Variants in CSPP1 observed in about 807,000 individuals in gnomAD.
CSPP1 encodes the protein centrosome and spindle pole-associated protein 1.
In CSPP1, 126 loss-of-function variants were observed where a neutral mutation model predicts 164.4. The ratio of observed to expected loss-of-function variants is 0.77; its 90% CI spans 0.66 to 0.89. CSPP1 has a LOEUF of 0.89. Ranked by LOEUF, CSPP1 falls within the 40% of genes least tolerant of loss-of-function variation. CSPP1 has a pLI of 0.00. For missense variants in CSPP1, 1,395 were observed against 1,449.8 expected (o/e 0.96, Z 0.61); for synonymous variants, 472 against 476.7 (o/e 0.99, Z 0.13).
chr8:67,152,556 C>A (rs1470119952), intron 18 of CSPP1, among the ~76,000 whole-genome samples: 1 of 152,158 alleles, frequency 6.6e-6, no homozygotes, highest in Non-Finnish European at 1.5e-5. Flanking sequence ...TTATTCATTT[C>A]TAAAAGGACT....
chr8:67,097,373 G>T (rs1314347474), intron 7 of CSPP1, among the ~76,000 whole-genome samples: 1 of 151,956 alleles, frequency 6.6e-6, no homozygotes, highest in African/African-American at 2.4e-5. Flanking sequence ...CCTTGATTTA[G>T]GTAATTTGAA....
intron 2 of CSPP1, 53 bp from the exon 3 acceptor site, chr8:67,076,429 A>C: frequency 9.8e-7 from 1 of 1,024,594 alleles, no homozygotes; most frequent in Non-Finnish European, 1.4e-6. Context: ...TGAGTTGTAT[A>C]TTTCATGGTT....
At chr8:67,124,404 C>T (rs901644720) in intron 15 of CSPP1, among the ~76,000 whole-genome samples, 1 of 152,180 alleles carries the variant, frequency 6.6e-6, no homozygotes, top group Non-Finnish European at 1.5e-5. Flanking sequence ...TTTTCCTCTA[C>T]TTGATGCTAT....
Position 67,103,092 on chromosome 8 carries a change from A to T in CSPP1, c.979A>T (p.Ile327Leu). Residue 327 changes from isoleucine (I) to leucine (L), a missense_variant, in exon 8 of 31, where the codon ATA (isoleucine) becomes TTA (leucine). By Grantham distance (5) the Ile-to-Leu change is conservative. Coordinates refer to ENST00000678616, the MANE Select transcript of CSPP1 (RefSeq NM_001382391.1). The part of the protein sequence containing the change: ...MPPMEHDGDV[I>L]EQSNIRISSA... ...TCCTATGGAACATGATGGGGATGTT[A>T]TAGAACAGTCAAACATAAGAATTTC... 1.9e-6 allele frequency: 3 copies of T among 1,611,626 alleles called. No homozygotes were observed. Among genetic ancestry groups the T allele is most frequent in the Non-Finnish European group, 2.5e-6 (3 of 1,177,862 alleles).
At chr8:67,075,043 T>C (rs1286493550) in intron 2 of CSPP1, 1 of 153,214 alleles carries the variant, frequency 6.5e-6, no homozygotes, top group African/African-American at 2.4e-5. Flanking sequence ...CCTCCCAAAA[T>C]GCTGAGATTA....
chr8:67,093,782 G>T, intron 6 of CSPP1, 141 bp downstream of exon 6: 1 of 464,548 alleles, frequency 2.2e-6, no homozygotes, highest in South Asian at 5.8e-5. Context: ...ACCAAACACA[G>T]GACATTTAAA....
intron 25 of CSPP1, chr8:67,172,804 G>A (rs891988729): frequency 1.5e-5 from 5 of 336,052 alleles, no homozygotes; most frequent in South Asian, 8.0e-5. Context: ...GGATGAGATC[G>A]CATAGACTAG....
At chr8:67,136,786 A>T (rs1186903357) in intron 16 of CSPP1, among the ~76,000 whole-genome samples, 1 of 151,512 alleles carries the variant, frequency 6.6e-6, no homozygotes, top group African/African-American at 2.4e-5. Context: ...CCTTGAAAGG[A>T]TAGATGAAAA....
chr8:67,187,304 C>T lies in CSPP1; in HGVS notation c.3221-3346C>T, dbSNP rs543666859. On this transcript the variant is annotated intron_variant, in intron 28 of 30. Coordinates refer to ENST00000678616, the MANE Select transcript of CSPP1 (RefSeq NM_001382391.1). Reference sequence around the variant, plus strand: ...AGAGTTGGAGGACTCTCACAGCTGACTTCAAGAGTTATGATAAAGTTATAA... The same window carrying T: ...AGAGTTGGAGGACTCTCACAGCTGATTTCAAGAGTTATGATAAAGTTATAA... Among the ~76,000 whole-genome samples, 22 of 152,272 alleles carry T rather than the reference C, an allele frequency of 1.4e-4. No individual in the cohort carries two copies. In the South Asian group the frequency reaches 3.1e-3, roughly 22 times the overall value.
chr8:67,108,005 TGGGTGGCTCAGAA>T (rs1815976201), intron 9 of CSPP1, among the ~76,000 whole-genome samples: 5 of 148,222 alleles, frequency 3.4e-5, no homozygotes, highest in African/African-American at 1.3e-4. Context: ...TTTTTTTGTT[TGGGTGGCTCAGAA>T]TATAGTCTGT....
chr8:67,139,437 A>T (rs1823032551), intron 17 of CSPP1, among the ~76,000 whole-genome samples: 1 of 152,158 alleles, frequency 6.6e-6, no homozygotes, highest in South Asian at 2.1e-4. Flanking sequence ...CAGTGTGGCG[A>T]TTCCTCAGGG....
intron 1 of CSPP1, among the ~76,000 whole-genome samples, chr8:67,067,514 A>G (rs1010803545): frequency 1.2e-4 from 18 of 151,868 alleles, no homozygotes; most frequent in African/African-American, 4.4e-4. Context: ...CCTAGGCTGG[A>G]GTGCAGTGGC....
At chr8:67,068,286 G>A (rs1184596564) in intron 1 of CSPP1, among the ~76,000 whole-genome samples, 1 of 152,168 alleles carries the variant, frequency 6.6e-6, no homozygotes, top group Non-Finnish European at 1.5e-5. Context: ...GAACATGCTT[G>A]AGGTCATTCA....
intron 4 of CSPP1, among the ~76,000 whole-genome samples, chr8:67,090,363 G>T (rs899990511): frequency 9.9e-5 from 15 of 152,092 alleles, no homozygotes; most frequent in Non-Finnish European, 1.8e-4. Context: ...TTGGCTTGCT[G>T]CAACCTCCGC....
chr8:67,104,544 G>GT (rs1469512718), intron 8 of CSPP1, among the ~76,000 whole-genome samples: 2 of 151,258 alleles, frequency 1.3e-5, no homozygotes, highest in Non-Finnish European at 3.0e-5. Context: ...CCAGGAAGGA[G>GT]TGTTTTTAGG....
At chr8:67,106,471 A>C (rs1214679524) in intron 9 of CSPP1, among the ~76,000 whole-genome samples, 2 of 152,024 alleles carry the variant, frequency 1.3e-5, no homozygotes, top group African/African-American at 2.4e-5. Flanking sequence ...GCTAGTACAA[A>C]ACTGCTGTGT....
At chr8:67,175,257 AAC>A (rs1215982941) in intron 25 of CSPP1, 37 bp from the exon 26 acceptor site, 2 of 1,493,304 alleles carry the variant, frequency 1.3e-6, no homozygotes, top group African/African-American at 2.8e-5. Context: ...ATTTGAAAAC[AAC>A]ATTTAACTTA....
chr8:67,079,787 A>T (rs1245903437), intron 3 of CSPP1, among the ~76,000 whole-genome samples: 2 of 152,180 alleles, frequency 1.3e-5, no homozygotes, highest in Admixed American at 6.5e-5. Context: ...GAACTTATTC[A>T]GCTTCTCTTT....
At chr8:67,151,718 A>C (rs1825723489) in intron 18 of CSPP1, among the ~76,000 whole-genome samples, 1 of 151,236 alleles carries the variant, frequency 6.6e-6, no homozygotes. Context: ...GAATTGAGTA[A>C]AAAAAAAACC....
Sources: allele counts gnomAD v4.1 joint callset (sites outside exome capture counted in the v4.1 genomes callset), GRCh38; gene constraint gnomAD v4.1.1; transcripts MANE v1.5; gene names NCBI Gene and HGNC (gene_info 2026-07-23, HGNC 2026-07-21).